LRMDA: variants seen among roughly 807,000 people sequenced by gnomAD.
LRMDA encodes leucine rich melanocyte differentiation associated, also known as leucine-rich melanocyte differentiation-associated protein.
In LRMDA, 18 loss-of-function variants were observed where a neutral mutation model predicts 29.8. The observed-to-expected ratio is 0.60, with a 90% CI of 0.42 to 0.90. The LOEUF (loss-of-function observed/expected upper bound fraction) is 0.90, where lower values mean the gene tolerates loss of function less well. Ranked by LOEUF, LRMDA falls within the 40% of genes least tolerant of loss-of-function variation. LRMDA has a pLI of 0.00. For missense variants in LRMDA, 273 were observed against 273.9 expected, an observed-to-expected ratio of 1.00 and a Z score of 0.02; for synonymous variants, 125 against 109.4, an observed-to-expected ratio of 1.14 and a Z score of -0.89.
At chr10:76,487,052 T>C (rs1300992709) in intron 6 of LRMDA, among the ~76,000 whole-genome samples, 2 of 151,920 alleles carry the variant, frequency 1.3e-5, no homozygotes, top group African/African-American at 4.8e-5. Flanking sequence ...TTAGATAAGA[T>C]GGAAATTTTT....
intron 2 of LRMDA, among the ~76,000 whole-genome samples, chr10:76,028,008 A>G (rs1848088777): frequency 6.6e-6 from 1 of 152,184 alleles, no homozygotes; most frequent in South Asian, 2.1e-4. Flanking sequence ...ATAAACTTAT[A>G]CACATCTTTG....
intron 2 of LRMDA, among the ~76,000 whole-genome samples, chr10:75,461,069 C>T (rs1844578949): frequency 6.6e-6 from 1 of 152,036 alleles, no homozygotes. Context: ...TGGTTGAGGC[C>T]CCTATAACAA....
At chr10:76,528,412 A>C (rs1843200710) in intron 6 of LRMDA, among the ~76,000 whole-genome samples, 1 of 152,216 alleles carries the variant, frequency 6.6e-6, no homozygotes, top group South Asian at 2.1e-4. Flanking sequence ...ATATGAATGC[A>C]TCCATACAAC....
At chr10:75,502,385 A>G (rs1199301931) in intron 2 of LRMDA, among the ~76,000 whole-genome samples, 1 of 151,582 alleles carries the variant, frequency 6.6e-6, no homozygotes, top group African/African-American at 2.4e-5. Context: ...TGTTGACCCA[A>G]CCAGTCCAGA....
chr10:75,950,112 T>A (rs531762419), intron 2 of LRMDA, among the ~76,000 whole-genome samples: 4 of 152,354 alleles, frequency 2.6e-5, no homozygotes, highest in Admixed American at 6.5e-5. Flanking sequence ...TGTTCAGCCC[T>A]GAATGTGGGT....
intron 2 of LRMDA, among the ~76,000 whole-genome samples, chr10:75,812,934 C>T (rs908881502): frequency 6.6e-6 from 1 of 152,138 alleles, no homozygotes; most frequent in African/African-American, 2.4e-5. Flanking sequence ...CCCAGATGAA[C>T]CAAAGTAGGA....
rs902214514 is a variant in LRMDA at position 76,515,462 on chromosome 10, G to A, written c.602-41747G>A. On this transcript the variant is annotated intron_variant, in intron 6 of 6. Coordinates refer to ENST00000611255, the MANE Select transcript of LRMDA (RefSeq NM_001305581.2). ...TTTAAGCCATTAAAAAATAATGAATGTATATTAGAAAGTATGGTAGATTAG... is the reference window on the plus strand; with the variant it reads ...TTTAAGCCATTAAAAAATAATGAATATATATTAGAAAGTATGGTAGATTAG... Among the ~76,000 whole-genome samples, 7 of 152,194 alleles carry A rather than the reference G, an allele frequency of 4.6e-5. No individual in the cohort carries two copies. In the South Asian group the frequency reaches 8.3e-4, roughly 18 times the overall value.
intron 5 of LRMDA, among the ~76,000 whole-genome samples, chr10:76,091,401 C>T (rs1222155942): frequency 2.6e-5 from 4 of 152,086 alleles, no homozygotes; most frequent in Admixed American, 1.3e-4. Context: ...AACGTTTCTT[C>T]ACAAAGATGG....
chr10:76,507,002 G>A (rs2132348071), intron 6 of LRMDA, among the ~76,000 whole-genome samples: 1 of 152,016 alleles, frequency 6.6e-6, no homozygotes, highest in Non-Finnish European at 1.5e-5. Context: ...GGATCATATG[G>A]TAGTTCTACT....
chr10:76,139,056 A>T (rs924531368), intron 5 of LRMDA, among the ~76,000 whole-genome samples: 2 of 152,162 alleles, frequency 1.3e-5, no homozygotes, highest in African/African-American at 4.8e-5. Flanking sequence ...GGAGATAAAC[A>T]TGCTGTATTC....
Position 76,058,722 on chromosome 10 carries a change from C to A in LRMDA, c.455C>A (p.Thr152Asn). Residue 152 changes from threonine (T) to asparagine (N), a missense_variant, in exon 5 of 7, where the codon ACC (threonine) becomes AAC (asparagine). Thr to Asn is a moderately conservative substitution (Grantham distance 65, BLOSUM62 0). Transcript: ENST00000611255. ...AAATTTCTGGATGCCCAGAAAGTAA[C>A]CAGACAAGAACGAGAGGAGGCGTTG... ...NLKFLDAQKV[T>N]RQEREEALVR... is the part of the protein sequence containing the mutation. 1 of 1,614,072 alleles carries A rather than the reference C, an allele frequency of 6.2e-7. No homozygotes were observed. Among genetic ancestry groups the A allele is most frequent in the Admixed American group, 1.7e-5 (1 of 60,024 alleles).
intron 6 of LRMDA, among the ~76,000 whole-genome samples, chr10:76,534,839 G>A (rs1029041894): frequency 2.0e-5 from 3 of 152,136 alleles, no homozygotes; most frequent in African/African-American, 7.2e-5. Context: ...GCCAAAATTT[G>A]CAAACCTGAA....
intron 5 of LRMDA, among the ~76,000 whole-genome samples, chr10:76,123,967 T>C (rs1849834096): frequency 6.6e-6 from 1 of 152,210 alleles, no homozygotes; most frequent in South Asian, 2.1e-4. Context: ...AACAGTGCTT[T>C]AGCTTGTTCC....
chr10:76,501,832 T>A (rs191790461), intron 6 of LRMDA, among the ~76,000 whole-genome samples: 4 of 152,168 alleles, frequency 2.6e-5, no homozygotes, highest in Non-Finnish European at 5.9e-5. Context: ...ATTGATAGTT[T>A]CTTTTGTTGT....
intron 2 of LRMDA, among the ~76,000 whole-genome samples, chr10:75,625,234 T>C (rs1299500071): frequency 6.6e-6 from 1 of 152,172 alleles, no homozygotes; most frequent in Non-Finnish European, 1.5e-5. Flanking sequence ...ACAAGCACTG[T>C]TTTCAGCACT....
At chr10:75,741,593 G>A (rs796948382) in intron 2 of LRMDA, among the ~76,000 whole-genome samples, 4 of 152,318 alleles carry the variant, frequency 2.6e-5, no homozygotes, top group African/African-American at 9.6e-5. Context: ...GGGTTATGGG[G>A]TCATCTTAGA....
intron 6 of LRMDA, among the ~76,000 whole-genome samples, chr10:76,460,927 A>C (rs771989602): frequency 6.6e-6 from 1 of 152,176 alleles, no homozygotes; most frequent in Non-Finnish European, 1.5e-5. Context: ...CTGCATTCAC[A>C]TCCTGGCTCT....
intron 2 of LRMDA, among the ~76,000 whole-genome samples, chr10:75,703,299 G>A (rs957550346): frequency 6.6e-5 from 10 of 152,290 alleles, no homozygotes; most frequent in East Asian, 1.9e-4. Context: ...GGACGCAAGC[G>A]TCATATAAAA....
At chr10:75,799,526 T>C (rs878900022) in intron 2 of LRMDA, among the ~76,000 whole-genome samples, 6 of 152,148 alleles carry the variant, frequency 3.9e-5, no homozygotes, top group African/African-American at 1.4e-4. Context: ...CTTTTTTTTT[T>C]TCTTTTGAAA....
Sources: gnomAD v4.1 joint callset for allele counts (sites outside exome capture counted in the v4.1 genomes callset) on GRCh38, gnomAD v4.1.1 for gene constraint, MANE v1.5 for transcripts, NCBI Gene and HGNC (gene_info 2026-07-23, HGNC 2026-07-21) for gene names.